The following PHF14 variants were observed in gnomAD, a reference collection of about 807,000 sequenced individuals.
The protein encoded by PHF14 is PHD finger protein 14.
Under a neutral mutation model 117.9 loss-of-function variants are expected in PHF14, and 55 were observed. The ratio of observed to expected loss-of-function variants is 0.47; its 90% CI spans 0.38 to 0.58. The LOEUF (loss-of-function observed/expected upper bound fraction) is 0.58. PHF14 is among the 20% of genes least tolerant of loss of function. The pLI, the probability that PHF14 is intolerant of heterozygous loss-of-function variation, is 0.00. For missense variants in PHF14, 978 were observed against 1,122.2 expected (o/e 0.87, Z 1.84); for synonymous variants, 409 against 368.6 (o/e 1.11, Z -1.26).
At chr7:11,077,599 TAAAAA>T (rs10658162) in intron 16 of PHF14, among the ~76,000 whole-genome samples, 19 of 105,062 alleles carry the variant, frequency 1.8e-4, no homozygotes, top group African/African-American at 7.5e-4. Flanking sequence ...GACTCTGTCT[TAAAAA>T]AAAAAAAAAA....
chr7:11,042,897 C>T, intron 13 of PHF14, 83 bp downstream of exon 13: 1 of 935,428 alleles, frequency 1.1e-6, no homozygotes, highest in East Asian at 2.9e-5. Flanking sequence ...TATATTTGTT[C>T]ATAATAAAGT....
At position 11,007,136 on chromosome 7, in the gene PHF14, T is replaced by A. The variant is rs1207295819; in HGVS notation, c.1046-6611T>A. On this transcript the variant is annotated intron_variant, in intron 4 of 17. Transcript: ENST00000634607. ...TGAACCCAGGAGGCGGAGATTGCAG[T>A]GAGCCGAGATCGCGCCATTGCACTC... Among the ~76,000 whole-genome samples, 3 of 151,662 alleles carry A rather than the reference T, an allele frequency of 2.0e-5. 1 individual carries two copies. Among genetic ancestry groups the A allele is most frequent in the African/African-American group, 7.3e-5 (3 of 41,248 alleles).
At chr7:11,053,059 A>T (rs2128327137) in intron 14 of PHF14, among the ~76,000 whole-genome samples, 2 of 152,218 alleles carry the variant, frequency 1.3e-5, no homozygotes, top group African/African-American at 4.8e-5. Flanking sequence ...ACTTTTCAAA[A>T]ATCTTCCTTT....
chr7:10,995,526 G>A (rs1782607686), intron 4 of PHF14, among the ~76,000 whole-genome samples: 1 of 152,230 alleles, frequency 6.6e-6, no homozygotes, highest in Non-Finnish European at 1.5e-5. Context: ...ATGTGGAGCT[G>A]CCCGCCAGTC....
chr7:11,141,245 C>A (rs1366517560), intron 17 of PHF14, among the ~76,000 whole-genome samples: 10 of 152,024 alleles, frequency 6.6e-5, no homozygotes. Flanking sequence ...TGGCCAAATT[C>A]TTTTAGATCT....
intron 17 of PHF14, among the ~76,000 whole-genome samples, chr7:11,119,676 A>G (rs1787693972): frequency 1.3e-5 from 2 of 151,880 alleles, no homozygotes; most frequent in Admixed American, 1.3e-4. Context: ...TAAACATTTT[A>G]ATTAGTTCAT....
chr7:11,039,400 TA>T (rs1053254519), intron 11 of PHF14, among the ~76,000 whole-genome samples: 1 of 152,088 alleles, frequency 6.6e-6, no homozygotes, highest in Admixed American at 6.5e-5. Flanking sequence ...TCGTAGTTAT[TA>T]AAAAAAACTT....
chr7:11,162,029 ATTC>A (rs1332968119), intron 17 of PHF14, among the ~76,000 whole-genome samples: 1 of 137,216 alleles, frequency 7.3e-6, no homozygotes, highest in Non-Finnish European at 1.6e-5. Flanking sequence ...TGTTTACAGT[ATTC>A]TTAGCCCCTT....
At chr7:11,103,821 G>A (rs1787170893) in intron 16 of PHF14, 2 of 982,966 alleles carry the variant, frequency 2.0e-6, no homozygotes, top group African/African-American at 3.5e-5. Flanking sequence ...AAAGTAAAAT[G>A]TGTATGAAAT....
At chr7:11,165,065 T>C (rs1038532657) in intron 17 of PHF14, among the ~76,000 whole-genome samples, 21 of 152,004 alleles carry the variant, frequency 1.4e-4, no homozygotes, top group African/African-American at 5.1e-4. Context: ...GCTGGGACTA[T>C]AGGCGCCCGC....
rs545466049 is a variant in PHF14 at position 11,043,285 on chromosome 7, A to AT, written c.2312+482dup. Among the ~76,000 whole-genome samples, 384 of 147,864 alleles carry AT rather than the reference A, an allele frequency of 2.6e-3. 1 individual carries two copies. The highest frequency in any genetic ancestry group is 4.6e-3 in the Non-Finnish European group (304 of 66,450). On this transcript the variant is annotated intron_variant, in intron 13 of 17. Coordinates refer to ENST00000634607, the MANE Select transcript of PHF14 (RefSeq NM_001007157.2). ...TAGAAACATTTGATAAACATTTCTGATTTTTTTTTTTATTAACTTAGGCAT... is the reference window on the plus strand; with the variant it reads ...TAGAAACATTTGATAAACATTTCTGATTTTTTTTTTTTATTAACTTAGGCAT...
chr7:11,101,068 C>T (rs1787068727), intron 16 of PHF14, among the ~76,000 whole-genome samples: 1 of 151,832 alleles, frequency 6.6e-6, no homozygotes, highest in Non-Finnish European at 1.5e-5. Flanking sequence ...TAAAATACTG[C>T]ACAGTTTTTT....
rs1401822992 is a variant in PHF14 at position 10,974,239 on chromosome 7, G to T, written c.-85G>T. ...TAGCATCTTTCGGACTTGTCTTCGCGGCCCCAGTCCCCGACCTCGGCGCTG... is the reference window on the plus strand; with the variant it reads ...TAGCATCTTTCGGACTTGTCTTCGCTGCCCCAGTCCCCGACCTCGGCGCTG... On this transcript the variant is annotated 5_prime_UTR_variant, in exon 1 of 18. Transcript: ENST00000634607. The T allele has an allele frequency of 3.4e-6, 4 of 1,175,550 alleles. No individual in the cohort carries two copies. The highest frequency in any genetic ancestry group is 3.7e-6 in the Non-Finnish European group (3 of 808,492). The allele number at this position is 1,175,550 out of a possible 1,614,324, so 72.8% of individuals were successfully genotyped here.
intron 17 of PHF14, among the ~76,000 whole-genome samples, chr7:11,156,030 A>G (rs982350872): frequency 6.6e-6 from 1 of 152,238 alleles, no homozygotes; most frequent in African/African-American, 2.4e-5. Context: ...TTTTCAGACA[A>G]GCTTTATAAG....
At chr7:11,026,150 C>T (rs1036735231) in intron 6 of PHF14, among the ~76,000 whole-genome samples, 7 of 151,414 alleles carry the variant, frequency 4.6e-5, no homozygotes, top group African/African-American at 1.5e-4. Flanking sequence ...GCCACAGCCA[C>T]TCCAACTTTC....
At chr7:11,147,253 A>G (rs919288940) in intron 17 of PHF14, among the ~76,000 whole-genome samples, 2 of 152,238 alleles carry the variant, frequency 1.3e-5, no homozygotes, top group African/African-American at 2.4e-5. Context: ...TTCATTAAAT[A>G]TAGGACATAT....
intron 17 of PHF14, among the ~76,000 whole-genome samples, chr7:11,148,986 C>A (rs540730927): frequency 6.6e-6 from 1 of 151,992 alleles, no homozygotes; most frequent in East Asian, 1.9e-4. Context: ...TTATTTAAAC[C>A]CAAAGTCATT....
At chr7:11,105,158 A>G in intron 16 of PHF14, 2 of 972,720 alleles carry the variant, frequency 2.1e-6, no homozygotes, top group Non-Finnish European at 2.4e-6. Flanking sequence ...AATTAGGGTT[A>G]TGTTTTAACA....
At chr7:11,134,452 C>T (rs546790961) in intron 17 of PHF14, among the ~76,000 whole-genome samples, 1 of 151,884 alleles carries the variant, frequency 6.6e-6, no homozygotes, top group Non-Finnish European at 1.5e-5. Flanking sequence ...AATTTTTGCT[C>T]TTTTATTTTT....
Sources: gnomAD v4.1 joint callset for allele counts (sites outside exome capture counted in the v4.1 genomes callset) on GRCh38, gnomAD v4.1.1 for gene constraint, MANE v1.5 for transcripts, NCBI Gene and HGNC (gene_info 2026-07-23, HGNC 2026-07-21) for gene names.